Variants in SMARCA2 observed in about 807,000 individuals in gnomAD.
SMARCA2 encodes SWI/SNF-related matrix-associated actin-dependent regulator of chromatin subfamily A member 2.
In SMARCA2, 61 loss-of-function variants were observed where a neutral mutation model predicts 199.8. That is an observed-to-expected ratio of 0.31 (90% CI 0.25 to 0.38). SMARCA2 has a LOEUF of 0.38. SMARCA2 is among the 10% of genes least tolerant of loss of function. The pLI is 1.00. For synonymous variants in SMARCA2, 935 were observed against 732.0 expected, an observed-to-expected ratio of 1.28 and a Z score of -4.48; for missense variants, 1,344 against 2,012.2, an observed-to-expected ratio of 0.67 and a Z score of 6.35.
chr9:2,060,118 C>CAAAAAAAAAAAAAAA (rs372329238), intron 8 of SMARCA2, among the ~76,000 whole-genome samples: 13 of 62,416 alleles, frequency 2.1e-4, no homozygotes, highest in African/African-American at 4.4e-4. Context: ...GATCTGTGGC[C>CAAAAAAAAAAAAAAA]AAAAAAAAAA....
chr9:2,145,815 G>A (rs1383068562), intron 27 of SMARCA2, among the ~76,000 whole-genome samples: 2 of 152,140 alleles, frequency 1.3e-5, no homozygotes, highest in Admixed American at 6.5e-5. Flanking sequence ...GAAAAACGAA[G>A]GCATTATCTT....
At chr9:2,084,058 A>G (rs1237049229) in intron 16 of SMARCA2, 28 bp from the exon 17 acceptor site, 3 of 1,199,668 alleles carry the variant, frequency 2.5e-6, no homozygotes, top group Non-Finnish European at 2.5e-6. Context: ...CCATAGGATC[A>G]TGCATGTATT....
At chr9:2,020,340 G>A (rs763176938) in intron 1 of SMARCA2, among the ~76,000 whole-genome samples, 4 of 151,942 alleles carry the variant, frequency 2.6e-5, no homozygotes, top group African/African-American at 4.8e-5. Context: ...TTTTGGAAGC[G>A]TTCTTATTAG....
chr9:2,080,173 T>C (rs2130457077), intron 14 of SMARCA2: 1 of 152,344 alleles, frequency 6.6e-6, no homozygotes, highest in East Asian at 1.9e-4. Flanking sequence ...GCTTTCTATC[T>C]TCTTGCTTCT....
intron 27 of SMARCA2, among the ~76,000 whole-genome samples, chr9:2,147,617 G>A (rs539092146): frequency 5.9e-5 from 9 of 152,266 alleles, no homozygotes; most frequent in East Asian, 1.9e-4. Context: ...AGGCCAAGGC[G>A]GGAGTATCAG....
intron 19 of SMARCA2, among the ~76,000 whole-genome samples, chr9:2,092,374 A>G (rs1231090189): frequency 6.6e-6 from 1 of 152,240 alleles, no homozygotes; most frequent in South Asian, 2.1e-4. Context: ...AAATTTTGGA[A>G]TGCTTAGCAT....
intron 1 of SMARCA2, among the ~76,000 whole-genome samples, chr9:2,022,927 A>G (rs1407106547): frequency 6.6e-6 from 1 of 152,216 alleles, no homozygotes; most frequent in African/African-American, 2.4e-5. Context: ...AGTGATTTTC[A>G]TCTGTGATTA....
chr9:2,116,865 T>C (rs1823236237), intron 25 of SMARCA2, among the ~76,000 whole-genome samples: 1 of 152,252 alleles, frequency 6.6e-6, no homozygotes, highest in South Asian at 2.1e-4. Flanking sequence ...TACTTACAAA[T>C]TGAAGAGTAA....
intron 1 of SMARCA2, among the ~76,000 whole-genome samples, chr9:2,026,407 C>T (rs935648044): frequency 1.3e-5 from 2 of 152,040 alleles, no homozygotes. Flanking sequence ...CCCTCTAAGA[C>T]GTTTTTAATA....
At chr9:2,150,099 T>C (rs73638396) in intron 27 of SMARCA2, among the ~76,000 whole-genome samples, 6,729 of 151,650 alleles carry the variant, frequency 0.044, 580 homozygotes, top group African/African-American at 0.15. Context: ...CAAATACTTG[T>C]GTGTGAGTGC....
chr9:2,035,951 A>G (rs2130225163), intron 3 of SMARCA2, among the ~76,000 whole-genome samples: 1 of 152,312 alleles, frequency 6.6e-6, no homozygotes, highest in South Asian at 2.1e-4. Context: ...GTGAAAAGCC[A>G]TTTATTAATA....
intron 9 of SMARCA2, among the ~76,000 whole-genome samples, chr9:2,066,016 A>T (rs1177476742): frequency 6.6e-6 from 1 of 152,234 alleles, no homozygotes; most frequent in African/African-American, 2.4e-5. Context: ...TGCTAATTTC[A>T]TATCCCTGGG....
At chr9:2,189,320 T>TGTCA (rs1307042702) in intron 32 of SMARCA2, among the ~76,000 whole-genome samples, 5 of 152,152 alleles carry the variant, frequency 3.3e-5, no homozygotes, top group Admixed American at 3.3e-4. Flanking sequence ...GTCCATAGTC[T>TGTCA]GTCAGGTGGG....
chr9:2,150,360 G>C (rs949847377), intron 27 of SMARCA2, among the ~76,000 whole-genome samples: 6 of 151,690 alleles, frequency 4.0e-5, no homozygotes, highest in African/African-American at 1.4e-4. Flanking sequence ...CTTGTGCAGA[G>C]ACCCTCATGC....
intron 27 of SMARCA2, chr9:2,159,836 G>A (rs559064348): frequency 1.4e-5 from 22 of 1,611,598 alleles, no homozygotes; most frequent in African/African-American, 1.1e-4. Context: ...CTAGCAGCTC[G>A]CTGCTTTGCT....
chr9:2,192,403 C>T (rs1486307226), intron 33 of SMARCA2: 3 of 336,446 alleles, frequency 8.9e-6, no homozygotes, highest in South Asian at 3.9e-5. Flanking sequence ...CATGAATTTT[C>T]TAAAACCTGG....
At chr9:2,106,797 G>A (rs1327997573) in intron 23 of SMARCA2, among the ~76,000 whole-genome samples, 1 of 152,354 alleles carries the variant, frequency 6.6e-6, no homozygotes, top group Admixed American at 6.5e-5. Flanking sequence ...TGATTTTTGA[G>A]TGAGAGCAAG....
intron 12 of SMARCA2, among the ~76,000 whole-genome samples, chr9:2,073,895 G>C (rs551038002): frequency 2.9e-4 from 44 of 152,306 alleles, no homozygotes; most frequent in African/African-American, 1.0e-3. Flanking sequence ...ATTAACTTGG[G>C]AGATGGTGAA....
intron 26 of SMARCA2, among the ~76,000 whole-genome samples, chr9:2,122,240 T>A (rs1433480184): frequency 6.6e-6 from 1 of 152,222 alleles, no homozygotes; most frequent in Non-Finnish European, 1.5e-5. Flanking sequence ...CCTCAAAGAC[T>A]ATTTTTTTGC....
Sources: gnomAD v4.1 joint callset for allele counts (sites outside exome capture counted in the v4.1 genomes callset) on GRCh38, gnomAD v4.1.1 for gene constraint, MANE v1.5 for transcripts, NCBI Gene and HGNC (gene_info 2026-07-23, HGNC 2026-07-21) for gene names.